The following SYT17 variants were observed in gnomAD, a reference collection of about 807,000 sequenced individuals.
SYT17 encodes synaptotagmin-17.
In SYT17, 22 loss-of-function variants were observed where a neutral mutation model predicts 46.7. The observed-to-expected ratio is 0.47, with a 90% CI of 0.34 to 0.67. The LOEUF is 0.67. SYT17 is among the 30% of genes least tolerant of loss of function. SYT17 has a pLI of 0.01. For missense variants in SYT17, 519 were observed against 612.8 expected, an observed-to-expected ratio of 0.85 and a Z score of 1.62; for synonymous variants, 251 against 248.4, an observed-to-expected ratio of 1.01 and a Z score of -0.10.
chr16:19,198,177 A>T (rs1185686731), intron 5 of SYT17, among the ~76,000 whole-genome samples: 1 of 152,228 alleles, frequency 6.6e-6, no homozygotes, highest in Non-Finnish European at 1.5e-5. Flanking sequence ...GCTATTGTAT[A>T]TGAAATTGAC....
chr16:19,172,313 G>A, intron 1 of SYT17: 1 of 1,318,748 alleles, frequency 7.6e-7, no homozygotes, highest in Non-Finnish European at 9.6e-7. Context: ...CTCCGGGAGG[G>A]CGGGGGAGCC....
At chr16:19,216,742 T>C (rs1371124619) in intron 5 of SYT17, among the ~76,000 whole-genome samples, 4 of 152,228 alleles carry the variant, frequency 2.6e-5, no homozygotes, top group Non-Finnish European at 5.9e-5. Flanking sequence ...TAGTATTCCA[T>C]GGTGTATATA....
chr16:19,232,304 T>C (rs534649872), intron 7 of SYT17, among the ~76,000 whole-genome samples: 15 of 152,334 alleles, frequency 9.8e-5, no homozygotes, highest in Non-Finnish European at 1.5e-4. Context: ...TCTCTAAGAC[T>C]AGAGAATATG....
chr16:19,256,502 C>T (rs941680765), intron 7 of SYT17, among the ~76,000 whole-genome samples: 2 of 143,204 alleles, frequency 1.4e-5, no homozygotes, highest in Admixed American at 1.4e-4. Flanking sequence ...TCTCTATTAC[C>T]CAATCTGGCC....
chr16:19,267,379 C>A lies in SYT17; in HGVS notation c.*303C>A. On this transcript the variant is annotated 3_prime_UTR_variant, in exon 8 of 8. Coordinates refer to ENST00000355377, the MANE Select transcript of SYT17 (RefSeq NM_016524.4). Reference sequence around the variant, plus strand: ...TTGGCAGTGCCTGCTCTTGTCAATACTCCTGCCCCAAAATGCACTTTCAAC... The same window carrying A: ...TTGGCAGTGCCTGCTCTTGTCAATAATCCTGCCCCAAAATGCACTTTCAAC... 1 of 231,896 alleles carries A rather than the reference C, an allele frequency of 4.3e-6. No homozygotes were observed. Among genetic ancestry groups the A allele is most frequent in the Non-Finnish European group, 8.3e-6 (1 of 120,212 alleles). 14.4% of individuals were successfully genotyped at this position (231,896 alleles called of 1,614,324 possible). A position where few individuals can be genotyped will look rare whatever the true frequency, so the allele number is the denominator to read the frequency against.
At chr16:19,219,004 C>T (rs1324138708) in intron 5 of SYT17, among the ~76,000 whole-genome samples, 1 of 152,188 alleles carries the variant, frequency 6.6e-6, no homozygotes, top group Non-Finnish European at 1.5e-5. Flanking sequence ...ACTGAAAGGG[C>T]AGCTCCCACG....
At chr16:19,198,723 C>G (rs555332812) in intron 5 of SYT17, among the ~76,000 whole-genome samples, 2 of 152,324 alleles carry the variant, frequency 1.3e-5, no homozygotes, top group South Asian at 4.1e-4. Context: ...ATAACAACCC[C>G]AACATCAAGG....
chr16:19,216,013 C>A (rs983299892), intron 5 of SYT17, among the ~76,000 whole-genome samples: 1 of 152,084 alleles, frequency 6.6e-6, no homozygotes, highest in Non-Finnish European at 1.5e-5. Flanking sequence ...GAAAGACTTG[C>A]CTCCATGATT....
Position 19,251,048 on chromosome 16 carries a change from G to A in SYT17, c.1229-15832G>A, listed in dbSNP as rs190619245. On this transcript the variant is annotated intron_variant, in intron 7 of 7. Coordinates refer to ENST00000355377, the MANE Select transcript of SYT17 (RefSeq NM_016524.4). ...TGTCATTTTTCTATTCACATTTTGA[G>A]GATAATAGTGTTTCAGAGTGTCACT... Among the ~76,000 whole-genome samples, 46 of 151,458 alleles carry A rather than the reference G, an allele frequency of 3.0e-4. 1 individual carries two copies. The highest frequency in any genetic ancestry group is 3.5e-3 in the Middle Eastern group (1 of 288).
intron 7 of SYT17, among the ~76,000 whole-genome samples, chr16:19,228,764 AT>A (rs1966582629): frequency 6.6e-6 from 1 of 152,220 alleles, no homozygotes; most frequent in Non-Finnish European, 1.5e-5. Context: ...ACTCAGATTC[AT>A]AAGGTTCTAA....
At chr16:19,175,936 G>A (rs993895615) in intron 3 of SYT17, among the ~76,000 whole-genome samples, 9 of 152,196 alleles carry the variant, frequency 5.9e-5, no homozygotes, top group Admixed American at 5.2e-4. Flanking sequence ...GCTAGATAGG[G>A]TCCTGTGACC....
chr16:19,212,032 C>T (rs556851092), intron 5 of SYT17, among the ~76,000 whole-genome samples: 4 of 152,146 alleles, frequency 2.6e-5, no homozygotes, highest in South Asian at 2.1e-4. Flanking sequence ...ATTTCGATCC[C>T]GTAGATAAAT....
chr16:19,253,248 C>T (rs1968317855), intron 7 of SYT17, among the ~76,000 whole-genome samples: 1 of 152,178 alleles, frequency 6.6e-6, no homozygotes, highest in Admixed American at 6.5e-5. Flanking sequence ...TATTTACTCT[C>T]TGGCCCTTTA....
intron 7 of SYT17, among the ~76,000 whole-genome samples, chr16:19,230,943 A>G (rs974172577): frequency 6.6e-6 from 1 of 152,230 alleles, no homozygotes; most frequent in Admixed American, 6.5e-5. Context: ...CATCCAATTT[A>G]TGCAGCTAGA....
intron 7 of SYT17, among the ~76,000 whole-genome samples, chr16:19,227,120 G>C (rs554891809): frequency 6.6e-6 from 1 of 152,250 alleles, no homozygotes; most frequent in South Asian, 2.1e-4. Flanking sequence ...ATTGTTATTT[G>C]CATTCAGTGA....
At chr16:19,266,287 T>C (rs1049017652) in intron 7 of SYT17, among the ~76,000 whole-genome samples, 1 of 152,190 alleles carries the variant, frequency 6.6e-6, no homozygotes, top group Non-Finnish European at 1.5e-5. Flanking sequence ...GCAGGGGCCA[T>C]TTGGCCATGT....
At chr16:19,201,785 T>A (rs1287571989) in intron 5 of SYT17, among the ~76,000 whole-genome samples, 5 of 152,168 alleles carry the variant, frequency 3.3e-5, no homozygotes, top group African/African-American at 1.2e-4. Flanking sequence ...CAGCCCTGAC[T>A]TGACCACTGA....
intron 5 of SYT17, among the ~76,000 whole-genome samples, chr16:19,210,973 T>C (rs562600400): frequency 1.3e-5 from 2 of 152,344 alleles, no homozygotes; most frequent in East Asian, 3.9e-4. Context: ...TTTGATTTCC[T>C]TTTTATTGAT....
intron 5 of SYT17, among the ~76,000 whole-genome samples, chr16:19,189,336 G>T (rs902200256): frequency 4.4e-5 from 6 of 135,876 alleles, no homozygotes; most frequent in Admixed American, 7.2e-5. Flanking sequence ...ACCTCAACCT[G>T]TCTTTTTTTT....
Sources: allele counts gnomAD v4.1 joint callset (sites outside exome capture counted in the v4.1 genomes callset), GRCh38; gene constraint gnomAD v4.1.1; transcripts MANE v1.5; gene names NCBI Gene and HGNC (gene_info 2026-07-23, HGNC 2026-07-21).